Variants in NOS1AP observed in about 807,000 individuals in gnomAD.
The protein encoded by NOS1AP is nitric oxide synthase 1 adaptor protein, also known as carboxyl-terminal PDZ ligand of neuronal nitric oxide synthase protein.
Under a neutral mutation model 56.2 loss-of-function variants are expected in NOS1AP, and 21 were observed. That is an observed-to-expected ratio of 0.37 (90% CI 0.26 to 0.54). The LOEUF is 0.54. NOS1AP is among the 20% of genes least tolerant of loss of function. NOS1AP has a pLI of 0.84. For missense variants in NOS1AP, 522 were observed against 657.8 expected (o/e 0.79, Z 2.26); for synonymous variants, 270 against 274.6 (o/e 0.98, Z 0.17).
intron 2 of NOS1AP, among the ~76,000 whole-genome samples, chr1:162,195,888 T>G (rs1651789327): frequency 6.6e-6 from 1 of 152,230 alleles, no homozygotes; most frequent in African/African-American, 2.4e-5. Flanking sequence ...AGAGAAGTCA[T>G]AATATCGTTG....
At chr1:162,352,716 C>G (rs539456430) in intron 6 of NOS1AP, among the ~76,000 whole-genome samples, 2 of 152,224 alleles carry the variant, frequency 1.3e-5, no homozygotes, top group South Asian at 4.1e-4. Context: ...TACATCGCTT[C>G]TTATAAGGGC....
At chr1:162,235,894 A>G (rs372825767) in intron 2 of NOS1AP, among the ~76,000 whole-genome samples, 1 of 152,196 alleles carries the variant, frequency 6.6e-6, no homozygotes, top group Non-Finnish European at 1.5e-5. Context: ...AAATCAAAGA[A>G]ATATAGAATC....
chr1:162,360,554 G>T, intron 8 of NOS1AP: 1 of 350,474 alleles, frequency 2.9e-6, no homozygotes, highest in South Asian at 2.2e-5. Flanking sequence ...GTTCAGTATT[G>T]CTATTTAAAG....
rs185590187 is a variant in NOS1AP at position 162,134,418 on chromosome 1, G to A, written c.106-19987G>A. On this transcript the variant is annotated intron_variant, in intron 1 of 9. Coordinates refer to ENST00000361897, the MANE Select transcript of NOS1AP (RefSeq NM_014697.3). ...ATGAAAATCGCTTGAACCGGGAGGT[G>A]GAGGTTGTACTGAGCTGAGATCACA... is the stretch of plus-strand genomic sequence containing the variant. Among the ~76,000 whole-genome samples, 705 of 151,346 alleles carry A rather than the reference G, an allele frequency of 4.7e-3. 3 individuals carry two copies. Among genetic ancestry groups the A allele is most frequent in the African/African-American group, 0.017 (689 of 41,206 alleles).
chr1:162,209,178 C>A (rs1398053579), intron 2 of NOS1AP, among the ~76,000 whole-genome samples: 1 of 152,162 alleles, frequency 6.6e-6, no homozygotes, highest in Non-Finnish European at 1.5e-5. Context: ...AATTTTTGCA[C>A]AAGATGTTTC....
chr1:162,114,167 G>A (rs937857265), intron 1 of NOS1AP, among the ~76,000 whole-genome samples: 5 of 152,148 alleles, frequency 3.3e-5, no homozygotes, highest in East Asian at 1.9e-4. Flanking sequence ...TGTAGAAAGA[G>A]GCCATATTAT....
At chr1:162,218,363 G>A (rs1652650457) in intron 2 of NOS1AP, among the ~76,000 whole-genome samples, 1 of 152,110 alleles carries the variant, frequency 6.6e-6, no homozygotes, top group Admixed American at 6.5e-5. Context: ...AAAATATCAG[G>A]CTAATAAATC....
chr1:162,340,052 G>A (rs995718498), intron 5 of NOS1AP, among the ~76,000 whole-genome samples: 1 of 152,228 alleles, frequency 6.6e-6, no homozygotes, highest in African/African-American at 2.4e-5. Flanking sequence ...GTGGTAGATA[G>A]GAAGGGCAAT....
In NOS1AP at chr1:162,235,228, G is replaced by T. The variant is rs529014154; in HGVS notation, c.178-52116G>T. Among the ~76,000 whole-genome samples the T allele has an allele frequency of 1.1e-3, 173 of 152,212 alleles. 1 individual carries two copies. Among genetic ancestry groups the T allele is most frequent in the Non-Finnish European group, 2.1e-3 (141 of 68,020 alleles). On this transcript the variant is annotated intron_variant, in intron 2 of 9. Transcript: ENST00000361897. Reference sequence around the variant, plus strand: ...TTTCCCCCATAGAAGGGTTCACTCAGCTAACTTGAATTTGAACTTAATCTT... The same window carrying T: ...TTTCCCCCATAGAAGGGTTCACTCATCTAACTTGAATTTGAACTTAATCTT...
intron 4 of NOS1AP, among the ~76,000 whole-genome samples, chr1:162,322,868 G>A (rs1656465958): frequency 6.6e-6 from 1 of 152,184 alleles, no homozygotes; most frequent in African/African-American, 2.4e-5. Flanking sequence ...AGTAATACGG[G>A]TAATGAATGA....
intron 2 of NOS1AP, among the ~76,000 whole-genome samples, chr1:162,162,532 C>T: frequency 6.6e-6 from 1 of 152,180 alleles, no homozygotes; most frequent in Non-Finnish European, 1.5e-5. Flanking sequence ...TTCTGAGTAT[C>T]ACCCTGTGTA....
intron 2 of NOS1AP, among the ~76,000 whole-genome samples, chr1:162,262,583 T>C (rs924111436): frequency 6.6e-6 from 1 of 152,216 alleles, no homozygotes; most frequent in Non-Finnish European, 1.5e-5. Context: ...TATATTTAGA[T>C]TAACTTTTAT....
intron 2 of NOS1AP, among the ~76,000 whole-genome samples, chr1:162,240,019 A>G (rs1179974150): frequency 1.3e-5 from 2 of 152,138 alleles, no homozygotes; most frequent in African/African-American, 4.8e-5. Context: ...CAGTGCCTGG[A>G]TTGGTGCTCC....
chr1:162,315,805 C>T (rs1035585865), intron 4 of NOS1AP, among the ~76,000 whole-genome samples: 2 of 152,210 alleles, frequency 1.3e-5, no homozygotes, highest in African/African-American at 4.8e-5. Context: ...AACACATCCA[C>T]CAGGAATGCT....
intron 2 of NOS1AP, among the ~76,000 whole-genome samples, chr1:162,199,253 G>A (rs951599485): frequency 5.3e-5 from 8 of 152,102 alleles, no homozygotes; most frequent in East Asian, 1.9e-4. Flanking sequence ...ATGGAATCTC[G>A]CATAGATGTT....
At chr1:162,342,383 G>T (rs943394226) in intron 5 of NOS1AP, among the ~76,000 whole-genome samples, 2 of 152,178 alleles carry the variant, frequency 1.3e-5, no homozygotes, top group African/African-American at 4.8e-5. Flanking sequence ...TAGTCAAGAT[G>T]CCTTTCACAT....
intron 1 of NOS1AP, among the ~76,000 whole-genome samples, chr1:162,139,238 C>G (rs561931656): frequency 3.9e-5 from 6 of 152,256 alleles, no homozygotes; most frequent in Non-Finnish European, 7.3e-5. Context: ...CCACAAGGCT[C>G]TAACCACCAA....
In NOS1AP at chr1:162,357,232, G is replaced by A. The variant is rs771479772; in HGVS notation, c.939+96G>A. The A allele has an allele frequency of 2.6e-6, 4 of 1,533,646 alleles. No homozygotes were observed. The East Asian group carries it at 9.8e-5, about 37-fold the overall frequency. The stretch of plus-strand genomic sequence containing the variant: ...GGCTCAGGGCAGGTTTAAAATCTAG[G>A]GAGTCATAAGGAATCGCTCATGCTA... On this transcript the variant is annotated intron_variant, in intron 8 of 9. Coordinates refer to ENST00000361897, the MANE Select transcript of NOS1AP (RefSeq NM_014697.3).
intron 3 of NOS1AP, among the ~76,000 whole-genome samples, chr1:162,296,644 GT>G (rs1417841635): frequency 2.0e-5 from 3 of 152,288 alleles, no homozygotes; most frequent in Admixed American, 2.0e-4. Context: ...TGGGAGCCTG[GT>G]TTCTCTGTCC....
Sources: gnomAD v4.1 joint callset for allele counts (sites outside exome capture counted in the v4.1 genomes callset) on GRCh38, gnomAD v4.1.1 for gene constraint, MANE v1.5 for transcripts, NCBI Gene and HGNC (gene_info 2026-07-23, HGNC 2026-07-21) for gene names.